Variants in CHSY3 observed in about 807,000 individuals in gnomAD.
CHSY3 encodes chondroitin sulfate synthase 3.
Under a neutral mutation model 67.2 loss-of-function variants are expected in CHSY3, and 35 were observed. The observed-to-expected ratio is 0.52, with a 90% CI of 0.40 to 0.69. The LOEUF (loss-of-function observed/expected upper bound fraction) is 0.69. Among genes scored for constraint, CHSY3 ranks in the 30% least tolerant of loss-of-function variants. The pLI is 0.00. For missense variants in CHSY3, 1,069 were observed against 1,138.5 expected, an observed-to-expected ratio of 0.94 and a Z score of 0.88; for synonymous variants, 474 against 434.7, an observed-to-expected ratio of 1.09 and a Z score of -1.12.
intron 2 of CHSY3, among the ~76,000 whole-genome samples, chr5:129,948,582 C>T (rs897971675): frequency 5.9e-5 from 9 of 152,178 alleles, no homozygotes; most frequent in African/African-American, 2.2e-4. Context: ...TTTATCCACT[C>T]ATTGATTGAT....
intron 2 of CHSY3, among the ~76,000 whole-genome samples, chr5:129,918,981 C>T (rs1760825698): frequency 6.7e-6 from 1 of 148,612 alleles, no homozygotes. Context: ...GTGGCGGGCG[C>T]CTGTAGTCCC....
At chr5:130,096,339 T>C (rs958019142) in intron 2 of CHSY3, among the ~76,000 whole-genome samples, 48 of 152,102 alleles carry the variant, frequency 3.2e-4, no homozygotes, top group African/African-American at 1.1e-3. Context: ...ACCCAGCTAA[T>C]TTTTTGCATT....
At chr5:130,156,838 T>A (rs1769386882) in intron 2 of CHSY3, among the ~76,000 whole-genome samples, 1 of 152,222 alleles carries the variant, frequency 6.6e-6, no homozygotes, top group East Asian at 1.9e-4. Context: ...GTATGGAAAC[T>A]TTTTTAACAG....
At chr5:130,105,584 T>C (rs923077444) in intron 2 of CHSY3, among the ~76,000 whole-genome samples, 3 of 151,738 alleles carry the variant, frequency 2.0e-5, no homozygotes, top group African/African-American at 7.2e-5. Flanking sequence ...TTTGGAGTTA[T>C]GCTGTCATAT....
chr5:129,906,209 A>G (rs374904914), intron 1 of CHSY3, among the ~76,000 whole-genome samples: 174 of 151,384 alleles, frequency 1.1e-3, no homozygotes, highest in African/African-American at 3.4e-3. Flanking sequence ...CTTTGGCTCA[A>G]CTCTCCACAT....
chr5:129,974,001 C>G (rs116483459), intron 2 of CHSY3, among the ~76,000 whole-genome samples: 1,793 of 152,170 alleles, frequency 0.012, 28 homozygotes, highest in African/African-American at 0.04. Flanking sequence ...GTTTGTCAGT[C>G]TCTTGTCTCC....
intron 2 of CHSY3, among the ~76,000 whole-genome samples, chr5:130,024,711 A>G (rs1764491042): frequency 6.6e-6 from 1 of 152,182 alleles, no homozygotes; most frequent in Admixed American, 6.6e-5. Context: ...ATAGCATGAA[A>G]AAAAATTGGA....
chr5:130,119,786 C>T (rs1371821264), intron 2 of CHSY3, among the ~76,000 whole-genome samples: 1 of 152,066 alleles, frequency 6.6e-6, no homozygotes, highest in African/African-American at 2.4e-5. Flanking sequence ...TTCTTTTCTA[C>T]TTACTATCAC....
At chr5:130,001,877 C>T in intron 2 of CHSY3, 1 of 930,802 alleles carries the variant, frequency 1.1e-6, no homozygotes, top group Non-Finnish European at 1.3e-6. Context: ...CTGTGTGTAA[C>T]CAAAAGGTAA....
At chr5:130,077,899 A>G (rs1258437151) in intron 2 of CHSY3, among the ~76,000 whole-genome samples, 1 of 152,092 alleles carries the variant, frequency 6.6e-6, no homozygotes, top group Non-Finnish European at 1.5e-5. Context: ...TATAACAAAT[A>G]GAAATCTCCT....
At chr5:130,154,073 C>A (rs1769306226) in intron 2 of CHSY3, among the ~76,000 whole-genome samples, 2 of 152,110 alleles carry the variant, frequency 1.3e-5, no homozygotes, top group African/African-American at 4.8e-5. Context: ...CACGCCACCA[C>A]ACCCAGCTAA....
intron 2 of CHSY3, among the ~76,000 whole-genome samples, chr5:130,013,267 G>T (rs1355622359): frequency 6.6e-6 from 1 of 152,146 alleles, no homozygotes; most frequent in Non-Finnish European, 1.5e-5. Flanking sequence ...CAGGCACATG[G>T]TGTAAGCTGT....
chr5:129,981,265 T>C (rs1470048631), intron 2 of CHSY3, among the ~76,000 whole-genome samples: 1 of 151,974 alleles, frequency 6.6e-6, no homozygotes, highest in East Asian at 1.9e-4. Flanking sequence ...GTGGATCTAT[T>C]TCTGAGCTTT....
intron 2 of CHSY3, among the ~76,000 whole-genome samples, chr5:130,095,559 G>A (rs1335991727): frequency 6.6e-6 from 1 of 152,166 alleles, no homozygotes; most frequent in Non-Finnish European, 1.5e-5. Flanking sequence ...TGAATAAGGT[G>A]GTTAAACAAC....
chr5:129,973,991 G>A (rs1485722833), intron 2 of CHSY3, among the ~76,000 whole-genome samples: 1 of 152,010 alleles, frequency 6.6e-6, no homozygotes, highest in Non-Finnish European at 1.5e-5. Flanking sequence ...CTCTTGTTCT[G>A]TTTGTCAGTC....
intron 2 of CHSY3, among the ~76,000 whole-genome samples, chr5:130,162,871 C>T (rs891991307): frequency 4.6e-5 from 7 of 152,070 alleles, no homozygotes; most frequent in Non-Finnish European, 8.8e-5. Context: ...ATTACATAGC[C>T]GCAATCAACT....
intron 2 of CHSY3, among the ~76,000 whole-genome samples, chr5:129,999,754 A>G (rs553843378): frequency 6.6e-5 from 10 of 152,250 alleles, no homozygotes; most frequent in African/African-American, 2.2e-4. Context: ...ACTTAGAAGA[A>G]TTTGCTTTAA....
chr5:129,917,136 G>A (rs2149580088), intron 2 of CHSY3, among the ~76,000 whole-genome samples: 1 of 152,126 alleles, frequency 6.6e-6, no homozygotes, highest in African/African-American at 2.4e-5. Context: ...AGATTACCTG[G>A]CTTCTTACTC....
At position 130,029,619 on chromosome 5, in the gene CHSY3, A is replaced by G. The variant is rs73243521; in HGVS notation, c.1086+121259A>G. On this transcript the variant is annotated intron_variant, in intron 2 of 2. Coordinates refer to ENST00000305031, the MANE Select transcript of CHSY3 (RefSeq NM_175856.5). ...TTGTAATTAACATGCAATATATTAT[A>G]CACACATTTGAGCACCTTCTGCTCC... Among the ~76,000 whole-genome samples, 1,452 of 152,286 alleles carry G rather than the reference A, an allele frequency of 9.5e-3. 22 individuals carry two copies. Among genetic ancestry groups the G allele is most frequent in the African/African-American group, 0.033 (1,375 of 41,566 alleles).
Sources: allele counts gnomAD v4.1 joint callset (sites outside exome capture counted in the v4.1 genomes callset), GRCh38; gene constraint gnomAD v4.1.1; transcripts MANE v1.5; gene names NCBI Gene and HGNC (gene_info 2026-07-23, HGNC 2026-07-21).